TRAPPC9: variants seen among roughly 807,000 people sequenced by gnomAD.
TRAPPC9 encodes trafficking protein particle complex subunit 9, also known as IKK2 binding protein.
A neutral mutation model predicts 124.0 loss-of-function variants in TRAPPC9; 83 were observed. The ratio of observed to expected loss-of-function variants is 0.67; its 90% CI spans 0.56 to 0.80. TRAPPC9 has a LOEUF of 0.80. TRAPPC9 is among the 30% of genes least tolerant of loss of function. The pLI is 0.00. For missense variants in TRAPPC9, 1,302 were observed against 1,508.3 expected (o/e 0.86, Z 2.27); for synonymous variants, 638 against 617.5 (o/e 1.03, Z -0.49).
chr8:140,260,101 G>A (rs763060568), intron 15 of TRAPPC9, among the ~76,000 whole-genome samples: 5 of 151,992 alleles, frequency 3.3e-5, no homozygotes, highest in Non-Finnish European at 7.4e-5. Flanking sequence ...TATACATTAC[G>A]CTTTTATAAA....
chr8:140,054,664 G>A (rs1272756413), intron 17 of TRAPPC9, among the ~76,000 whole-genome samples: 2 of 151,988 alleles, frequency 1.3e-5, no homozygotes, highest in Non-Finnish European at 2.9e-5. Flanking sequence ...AAAAAACGAA[G>A]AAGAAAAGAT....
intron 17 of TRAPPC9, among the ~76,000 whole-genome samples, chr8:140,086,712 A>T (rs1052650830): frequency 6.6e-6 from 1 of 152,126 alleles, no homozygotes; most frequent in African/African-American, 2.4e-5. Context: ...TGGGTGGATC[A>T]CAAGGTCAGG....
At chr8:140,337,672 C>G (rs1009836731) in intron 9 of TRAPPC9, among the ~76,000 whole-genome samples, 1 of 152,202 alleles carries the variant, frequency 6.6e-6, no homozygotes, top group Non-Finnish European at 1.5e-5. Context: ...CCTGCTGCCT[C>G]CCCCACCAAA....
intron 21 of TRAPPC9, among the ~76,000 whole-genome samples, chr8:139,789,980 T>C (rs1157567867): frequency 1.3e-5 from 2 of 152,128 alleles, no homozygotes; most frequent in Admixed American, 6.5e-5. Flanking sequence ...GGAAGGACAT[T>C]TGGTGTGGAT....
At chr8:140,217,284 T>A (rs894350949) in intron 17 of TRAPPC9, among the ~76,000 whole-genome samples, 3 of 152,080 alleles carry the variant, frequency 2.0e-5, no homozygotes, top group Non-Finnish European at 2.9e-5. Context: ...AACAAGGACA[T>A]CCTCTGTGGC....
chr8:140,291,012 T>G lies in TRAPPC9; in HGVS notation c.1835A>C (p.Glu612Ala). 1 of 1,614,196 alleles carries G rather than the reference T, an allele frequency of 6.2e-7. No individual in the cohort carries two copies. The highest frequency in any genetic ancestry group is 2.2e-5 in the East Asian group (1 of 44,876). ...QLMVYNPMPF[E>A]LRVENMGLLT... is the part of the protein sequence containing the mutation. Reference sequence around the variant, plus strand: ...ACATACCATGTTTTCAACTCGAAGTTCAAACGGCATTGGGTTATATACCAT... The same window carrying G: ...ACATACCATGTTTTCAACTCGAAGTGCAAACGGCATTGGGTTATATACCAT... Residue 612 changes from glutamate to alanine, a missense_variant, in exon 12 of 23, where the codon GAA becomes GCA. Coordinates refer to ENST00000438773, the MANE Select transcript of TRAPPC9 (RefSeq NM_001160372.4).
intron 20 of TRAPPC9, among the ~76,000 whole-genome samples, chr8:139,897,875 G>A (rs987710512): frequency 2.6e-5 from 4 of 152,266 alleles, no homozygotes; most frequent in Non-Finnish European, 5.9e-5. Flanking sequence ...TAAAGACACA[G>A]AGACTTTTGG....
rs769100485 is a variant in TRAPPC9, at chr8:139,776,750, A to C, written c.3056-44548T>G. Among the ~76,000 whole-genome samples, 2 of 152,188 alleles carry C rather than the reference A, an allele frequency of 1.3e-5. No individual in the cohort carries two copies. Among genetic ancestry groups the C allele is most frequent in the Non-Finnish European group, 2.9e-5 (2 of 68,024 alleles). On this transcript the variant is annotated intron_variant, in intron 21 of 22. Coordinates refer to ENST00000438773, the MANE Select transcript of TRAPPC9 (RefSeq NM_001160372.4). This position sits in a 1 kb window ranked among gnomAD's most constrained non-coding sequence, Gnocchi z 4.1. ...TAGGACAGGCTCCCCAGCTAACAAA[A>C]GGAATGATAAATCTTACCTGGGAAA...
chr8:140,207,285 C>G (rs929540650), intron 17 of TRAPPC9, among the ~76,000 whole-genome samples: 1 of 152,196 alleles, frequency 6.6e-6, no homozygotes, highest in South Asian at 2.1e-4. Context: ...AAGGTTTTCC[C>G]TCCTTCATTC....
intron 9 of TRAPPC9, among the ~76,000 whole-genome samples, chr8:140,336,866 C>T (rs999014582): frequency 5.3e-5 from 8 of 151,898 alleles, no homozygotes; most frequent in African/African-American, 1.5e-4. Flanking sequence ...ATGTGATAAA[C>T]TCAAGCATTA....
chr8:139,980,594 T>C (rs1489251441), intron 19 of TRAPPC9, among the ~76,000 whole-genome samples: 2 of 152,230 alleles, frequency 1.3e-5, no homozygotes, highest in African/African-American at 2.4e-5. Flanking sequence ...GCATCGGGCA[T>C]GGCCTCTAAC....
At chr8:139,887,298 A>G (rs1201178436) in intron 20 of TRAPPC9, among the ~76,000 whole-genome samples, 1 of 147,940 alleles carries the variant, frequency 6.8e-6, no homozygotes, top group African/African-American at 2.5e-5. Context: ...TCGGCTCACT[A>G]CAACCTCCGC....
intron 10 of TRAPPC9, among the ~76,000 whole-genome samples, chr8:140,308,742 G>T (rs1270052182): frequency 6.6e-6 from 1 of 151,984 alleles, no homozygotes; most frequent in African/African-American, 2.4e-5. Context: ...TTAGCCGGTC[G>T]TGGTGCCATG....
chr8:140,426,526 A>C (rs947335366), intron 5 of TRAPPC9, 89 bp downstream of exon 5: 113 of 1,260,422 alleles, frequency 9.0e-5, no homozygotes, highest in Non-Finnish European at 1.2e-4. Flanking sequence ...AAAGATCATC[A>C]TCCAGAAATT....
intron 21 of TRAPPC9, among the ~76,000 whole-genome samples, chr8:139,779,844 T>C (rs938612318): frequency 1.3e-5 from 2 of 152,156 alleles, no homozygotes; most frequent in Admixed American, 1.3e-4. Flanking sequence ...ACAAGGTTAA[T>C]ATACAAAAGT....
At chr8:139,865,926 T>TTTTATACA (rs1295892277) in intron 21 of TRAPPC9, among the ~76,000 whole-genome samples, 1 of 152,188 alleles carries the variant, frequency 6.6e-6, no homozygotes, top group Non-Finnish European at 1.5e-5. Context: ...GTTTTATACA[T>TTTTATACA]TTTAGGGAAG....
intron 2 of TRAPPC9, among the ~76,000 whole-genome samples, chr8:140,442,838 T>A (rs2071072058): frequency 1.3e-5 from 2 of 151,386 alleles, no homozygotes; most frequent in Non-Finnish European, 2.9e-5. Context: ...TATTACACAG[T>A]TTAAGAAGTC....
At chr8:139,777,990 G>A (rs1370471384) in intron 21 of TRAPPC9, among the ~76,000 whole-genome samples, 1 of 152,126 alleles carries the variant, frequency 6.6e-6, no homozygotes, top group Admixed American at 6.5e-5. Context: ...TGACGGGGAA[G>A]GAAGGGAGAG....
At chr8:140,302,209 C>G (rs762181995) in intron 10 of TRAPPC9, among the ~76,000 whole-genome samples, 1 of 152,200 alleles carries the variant, frequency 6.6e-6, no homozygotes, top group Non-Finnish European at 1.5e-5. Context: ...CTGCCACATG[C>G]GTGGTTCTCA....
Sources: gnomAD v4.1 joint callset for allele counts (sites outside exome capture counted in the v4.1 genomes callset) on GRCh38, gnomAD v4.1.1 for gene constraint, Gnocchi (gnomAD v3.1) non-coding constraint, MANE v1.5 for transcripts, NCBI Gene and HGNC (gene_info 2026-07-23, HGNC 2026-07-21) for gene names.